ARHGAP22: variants seen among roughly 807,000 people sequenced by gnomAD.
ARHGAP22 encodes the protein Rho GTPase activating protein 22, also known as rho GTPase-activating protein 22.
In ARHGAP22, 48 loss-of-function variants were observed where a neutral mutation model predicts 59.1. The observed-to-expected ratio is 0.81, with a 90% CI of 0.64 to 1.03. ARHGAP22 has a LOEUF of 1.03. Among genes scored for constraint, ARHGAP22 ranks in the 50% least tolerant of loss-of-function variants. The pLI is 0.00. For synonymous variants in ARHGAP22, 445 were observed against 416.4 expected (o/e 1.07, Z -0.84); for missense variants, 1,015 against 958.7 (o/e 1.06, Z -0.78).
At chr10:48,559,986 A>G (rs190308431) in intron 2 of ARHGAP22, among the ~76,000 whole-genome samples, 2 of 152,324 alleles carry the variant, frequency 1.3e-5, no homozygotes, top group East Asian at 3.9e-4. Flanking sequence ...GATATACTGT[A>G]GTAGGTAGAA....
In ARHGAP22 at chr10:48,555,507, G is replaced by C; in HGVS notation, c.278C>G (p.Pro93Arg). Residue 93 changes from proline (P) to arginine (R), a missense_variant, in exon 3 of 10, where the codon CCT (proline) becomes CGT (arginine). By Grantham distance (103) the Pro-to-Arg change is moderately radical. Coordinates refer to ENST00000249601, the MANE Select transcript of ARHGAP22 (RefSeq NM_021226.4). Reference sequence around the variant, plus strand: ...GTGCTTCCCTGGGTCCTCGGGGCCAGGAGGAAGTTCAGTCACCTGTGTCCC... The same window carrying C: ...GTGCTTCCCTGGGTCCTCGGGGCCACGAGGAAGTTCAGTCACCTGTGTCCC... ...LQGTQVTELPPGPEDPGKHLF... is the reference protein window; with the variant it reads ...LQGTQVTELPRGPEDPGKHLF... The C allele has an allele frequency of 6.2e-7, 1 of 1,614,250 alleles. No individual in the cohort carries two copies. Among genetic ancestry groups the C allele is most frequent in the Admixed American group, 1.7e-5 (1 of 60,032 alleles).
In ARHGAP22 at chr10:48,490,645, G is replaced by A. The variant is rs1339658548; in HGVS notation, c.323-10881C>T. ...TTCCCACTTCGGTGGCCACAGCTAG[G>A]TGCCCAAGGCAGGATGTTGGGAGCC... On this transcript the variant is annotated intron_variant, in intron 3 of 9. Coordinates refer to ENST00000249601, the MANE Select transcript of ARHGAP22 (RefSeq NM_021226.4). Among the ~76,000 whole-genome samples, 3 of 152,272 alleles carry A rather than the reference G, an allele frequency of 2.0e-5. No individual in the cohort carries two copies. The East Asian group carries it at 5.8e-4, about 29-fold the overall frequency.
chr10:48,609,767 C>T (rs999257209), upstream of ARHGAP22, among the ~76,000 whole-genome samples: 6 of 152,158 alleles, frequency 3.9e-5, no homozygotes, highest in African/African-American at 7.2e-5. Flanking sequence ...CCCAAGGCCA[C>T]GGGGACCTTC....
chr10:48,643,016 A>G (rs1448307361), intron 1 of ARHGAP22, among the ~76,000 whole-genome samples: 1 of 152,264 alleles, frequency 6.6e-6, no homozygotes, highest in Non-Finnish European at 1.5e-5. Context: ...CATCAGAGAA[A>G]TGCAAATCAA....
intron 4 of ARHGAP22, among the ~76,000 whole-genome samples, chr10:48,470,390 C>A (rs61838731): frequency 0.03 from 4,507 of 152,306 alleles, 78 homozygotes; most frequent in Non-Finnish European, 0.038. Context: ...CTGTGGCTGT[C>A]CCATCAGCAG....
chr10:48,649,943 A>G (rs2062481300), intron 1 of ARHGAP22, among the ~76,000 whole-genome samples: 1 of 151,856 alleles, frequency 6.6e-6, no homozygotes, highest in Non-Finnish European at 1.5e-5. Flanking sequence ...GTTAAAAGCA[A>G]ACTTAAGTTT....
At chr10:48,566,190 G>A (rs757291433) in intron 2 of ARHGAP22, among the ~76,000 whole-genome samples, 4 of 152,144 alleles carry the variant, frequency 2.6e-5, no homozygotes, top group Non-Finnish European at 5.9e-5. Context: ...TCCTCCACAG[G>A]CAGCATCTTG....
downstream of ARHGAP22, among the ~76,000 whole-genome samples, chr10:48,442,660 T>C (rs2045230744): frequency 6.6e-6 from 1 of 151,944 alleles, no homozygotes. Flanking sequence ...AGAAAAGTGC[T>C]CTACTCCTCA....
Position 48,450,523 on chromosome 10 carries a change from C to G in ARHGAP22, c.1606G>C (p.Asp536His), listed in dbSNP as rs1231366282. The change falls in exon 9 of 10, where the codon GAC becomes CAC. Residue 536 changes from aspartate (D) to histidine (H), a missense_variant. Transcript: ENST00000249601. The part of the protein sequence containing the change: ...LSSCTACRAS[D>H]SSARSSLHTD... ...TGCAGGGAACTGCGGGCAGACGAGT[C>G]GCTGGCGCGGCAGGCCGTGCAGCTG... The G allele has an allele frequency of 2.0e-6, 3 of 1,522,478 alleles. No homozygotes were observed. In the East Asian group the frequency reaches 7.3e-5, roughly 37 times the overall value. 94.3% of individuals were successfully genotyped at this position (1,522,478 alleles called of 1,614,324 possible).
chr10:48,488,799 T>G (rs950176363), intron 3 of ARHGAP22, among the ~76,000 whole-genome samples: 1 of 152,166 alleles, frequency 6.6e-6, no homozygotes, highest in Non-Finnish European at 1.5e-5. Flanking sequence ...TGGTGACGAG[T>G]GCATGGCTCA....
intron 3 of ARHGAP22, among the ~76,000 whole-genome samples, chr10:48,533,973 G>A (rs954772041): frequency 3.3e-5 from 5 of 152,280 alleles, no homozygotes; most frequent in African/African-American, 9.6e-5. Context: ...TGGTTCAGGA[G>A]AGGAGAGGGC....
chr10:48,550,878 G>A (rs549422336), intron 3 of ARHGAP22, among the ~76,000 whole-genome samples: 45 of 152,250 alleles, frequency 3.0e-4, no homozygotes, highest in African/African-American at 9.4e-4. Flanking sequence ...ATTTTCCCAG[G>A]GTCCAGAGTG....
At chr10:48,621,106 A>G (rs1046106331) in intron 1 of ARHGAP22, among the ~76,000 whole-genome samples, 2 of 152,272 alleles carry the variant, frequency 1.3e-5, no homozygotes, top group African/African-American at 4.8e-5. Context: ...TTGCATGGCC[A>G]TCCAGGCTAT....
intron 3 of ARHGAP22, among the ~76,000 whole-genome samples, chr10:48,521,084 C>A (rs2053765085): frequency 6.6e-6 from 1 of 152,198 alleles, no homozygotes; most frequent in Non-Finnish European, 1.5e-5. Flanking sequence ...AGTACATGAG[C>A]CCTCTGCTTT....
chr10:48,569,062 G>T (rs1002457267), intron 2 of ARHGAP22, among the ~76,000 whole-genome samples: 10 of 152,190 alleles, frequency 6.6e-5, no homozygotes, highest in Non-Finnish European at 1.5e-4. Context: ...CTTGGAGTGG[G>T]TGGGGCCCTC....
At chr10:48,602,680 TG>T (rs1289738291) in intron 1 of ARHGAP22, among the ~76,000 whole-genome samples, 2 of 152,152 alleles carry the variant, frequency 1.3e-5, no homozygotes, top group East Asian at 3.9e-4. Flanking sequence ...TACCTGGCAT[TG>T]GGGGTATAAT....
chr10:48,649,498 G>C (rs1488870851), intron 1 of ARHGAP22, among the ~76,000 whole-genome samples: 1 of 152,202 alleles, frequency 6.6e-6, no homozygotes, highest in East Asian at 1.9e-4. Flanking sequence ...ACTCTGGCTG[G>C]GTATGGGCAG....
chr10:48,611,370 G>GGATGCA (rs890737492), intron 1 of ARHGAP22, among the ~76,000 whole-genome samples: 2 of 152,112 alleles, frequency 1.3e-5, no homozygotes, highest in Admixed American at 1.3e-4. Flanking sequence ...CTGGGTCCTG[G>GGATGCA]GAACATGATG....
chr10:48,495,743 T>C (rs1175920923), intron 3 of ARHGAP22, among the ~76,000 whole-genome samples: 2 of 152,256 alleles, frequency 1.3e-5, no homozygotes, highest in African/African-American at 2.4e-5. Flanking sequence ...TGACAGGATG[T>C]CACTTCTGAG....
Sources: allele counts gnomAD v4.1 joint callset (sites outside exome capture counted in the v4.1 genomes callset), GRCh38; gene constraint gnomAD v4.1.1; transcripts MANE v1.5; gene names NCBI Gene and HGNC (gene_info 2026-07-23, HGNC 2026-07-21).